Variants in STK3 observed in about 807,000 individuals in gnomAD.
The protein encoded by STK3 is serine/threonine kinase 3, also known as serine/threonine-protein kinase 3.
Under a neutral mutation model 58.0 loss-of-function variants are expected in STK3, and 41 were observed. The observed-to-expected ratio is 0.71, with a 90% CI of 0.55 to 0.92. The LOEUF (loss-of-function observed/expected upper bound fraction) is 0.92, where lower values mean the gene tolerates loss of function less well. STK3 is among the 40% of genes least tolerant of loss of function. The pLI is 0.00. For missense variants in STK3, 479 were observed against 602.7 expected, an observed-to-expected ratio of 0.79 and a Z score of 2.15; for synonymous variants, 170 against 191.0, an observed-to-expected ratio of 0.89 and a Z score of 0.91.
chr8:98,648,756 G>A (rs1820615308), intron 6 of STK3, among the ~76,000 whole-genome samples: 2 of 152,084 alleles, frequency 1.3e-5, no homozygotes, highest in African/African-American at 2.4e-5. Context: ...GCCGGCTGTG[G>A]TGGCACCCAC....
At chr8:98,359,016 G>A in the STK3 span, among the ~76,000 whole-genome samples, 1 of 152,124 alleles carries the variant, frequency 6.6e-6, no homozygotes, top group African/African-American at 2.4e-5. Flanking sequence ...TGACTTTTCC[G>A]AAGAAAGAGC....
chr8:98,717,691 G>A (rs1283889496), intron 4 of STK3, among the ~76,000 whole-genome samples: 3 of 152,122 alleles, frequency 2.0e-5, no homozygotes, highest in African/African-American at 7.2e-5. Flanking sequence ...AGAATTAAAT[G>A]CAGGGTCTCA....
At chr8:98,402,708 G>A (rs1817955713) in intron 3 of STK3, among the ~76,000 whole-genome samples, 1 of 152,218 alleles carries the variant, frequency 6.6e-6, no homozygotes. Flanking sequence ...AGCCAGGCGA[G>A]GAGGACATGC....
intron 4 of STK3, among the ~76,000 whole-genome samples, chr8:98,739,351 G>A (rs1209915164): frequency 1.3e-5 from 2 of 152,034 alleles, no homozygotes; most frequent in Non-Finnish European, 2.9e-5. Flanking sequence ...CCCCAAGTAG[G>A]GGCAGACTGA....
intron 6 of STK3, among the ~76,000 whole-genome samples, chr8:98,601,945 A>G (rs1037038585): frequency 6.6e-6 from 1 of 152,238 alleles, no homozygotes; most frequent in Admixed American, 6.5e-5. Context: ...AGTATCAGCC[A>G]TAAAAGAGTC....
chr8:98,711,947 T>C (rs1043784546), intron 4 of STK3, among the ~76,000 whole-genome samples: 4 of 152,068 alleles, frequency 2.6e-5, no homozygotes, highest in African/African-American at 9.7e-5. Flanking sequence ...CGGCAGAAAC[T>C]CTACAAGCCA....
chr8:98,353,736 C>G, the STK3 span, among the ~76,000 whole-genome samples: 10 of 152,098 alleles, frequency 6.6e-5, no homozygotes, highest in Non-Finnish European at 1.3e-4. Context: ...TAGGATATCA[C>G]CAACTTGCAG....
chr8:98,694,092 A>G (rs1277852675), intron 6 of STK3, among the ~76,000 whole-genome samples: 1 of 152,114 alleles, frequency 6.6e-6, no homozygotes, highest in Non-Finnish European at 1.5e-5. Flanking sequence ...CTTCTAACCC[A>G]TGTCTGTTTT....
chr8:98,377,891 C>T (rs532613048), intron 2 of STK3, among the ~76,000 whole-genome samples: 1 of 152,224 alleles, frequency 6.6e-6, no homozygotes, highest in East Asian at 1.9e-4. Flanking sequence ...GTTTCTTTAG[C>T]AGCTAGTAAG....
Position 98,707,264 on chromosome 8 carries a change from T to C in STK3, c.399A>G (p.Gly133=), listed in dbSNP as rs759622165. The change falls in exon 5 of 11, where the codon GGA becomes GGG. Residue 133 remains glycine, a synonymous_variant. Coordinates refer to ENST00000419617, the MANE Select transcript of STK3 (RefSeq NM_006281.4). ...TTCTCATAAAGTGCAAATATTCTAGTCCTTTCAATGTAGATTTAAGAATGG... is the reference window on the plus strand; with the variant it reads ...TTCTCATAAAGTGCAAATATTCTAGCCCTTTCAATGTAGATTTAAGAATGG... The part of the protein sequence containing the change: ...IATILKSTLK[G]LEYLHFMRKI... 1 of 1,586,724 alleles carries C rather than the reference T, an allele frequency of 6.3e-7. No homozygotes were observed. Among genetic ancestry groups the C allele is most frequent in the Admixed American group, 1.8e-5 (1 of 55,350 alleles).
At chr8:98,735,941 G>A (rs1828548765) in intron 4 of STK3, among the ~76,000 whole-genome samples, 1 of 151,988 alleles carries the variant, frequency 6.6e-6, no homozygotes, top group Non-Finnish European at 1.5e-5. Flanking sequence ...TTTGTTTTAT[G>A]ACTTTTAAAA....
chr8:98,381,567 G>C (rs773426547), intron 1 of STK3, among the ~76,000 whole-genome samples: 7 of 152,206 alleles, frequency 4.6e-5, no homozygotes, highest in Non-Finnish European at 1.0e-4. Context: ...GAAAAAGCCT[G>C]GTGGGAAACC....
intron 6 of STK3, among the ~76,000 whole-genome samples, chr8:98,664,337 G>T (rs894237839): frequency 3.3e-5 from 5 of 152,106 alleles, no homozygotes; most frequent in African/African-American, 1.2e-4. Context: ...ATGCTACCCC[G>T]GTCTGGGTCT....
chr8:98,842,213 A>T (rs1202475189), intron 3 of STK3, among the ~76,000 whole-genome samples: 2 of 152,234 alleles, frequency 1.3e-5, no homozygotes, highest in Non-Finnish European at 2.9e-5. Context: ...TTGAATTAAT[A>T]TATAAATTTA....
chr8:98,843,731 T>A (rs531782765), intron 3 of STK3, among the ~76,000 whole-genome samples: 38 of 152,326 alleles, frequency 2.5e-4, no homozygotes, highest in African/African-American at 8.9e-4. Flanking sequence ...GAAAGAGGGA[T>A]GGAAGCCGTG....
chr8:98,577,137 G>A (rs1813474662), intron 8 of STK3, among the ~76,000 whole-genome samples: 1 of 152,120 alleles, frequency 6.6e-6, no homozygotes, highest in South Asian at 2.1e-4. Flanking sequence ...GTTTAACATA[G>A]TTGCTTCTGT....
intron 10 of STK3, among the ~76,000 whole-genome samples, chr8:98,510,643 A>G (rs1824442370): frequency 6.6e-6 from 1 of 152,068 alleles, no homozygotes; most frequent in Non-Finnish European, 1.5e-5. Flanking sequence ...CTGAAGGTAA[A>G]TACATCAATT....
chr8:98,770,379 C>T (rs1447413274), intron 2 of STK3, among the ~76,000 whole-genome samples: 1 of 152,144 alleles, frequency 6.6e-6, no homozygotes, highest in African/African-American at 2.4e-5. Context: ...TTTATCAGAA[C>T]CCTAAAGAAT....
At chr8:98,452,072 A>C (rs1414776542), downstream of STK3, among the ~76,000 whole-genome samples, 2 of 152,200 alleles carry the variant, frequency 1.3e-5, no homozygotes, top group Non-Finnish European at 2.9e-5. Context: ...TTAATCTTTA[A>C]CATACAGGAT....
Sources: allele counts gnomAD v4.1 joint callset (sites outside exome capture counted in the v4.1 genomes callset), GRCh38; gene constraint gnomAD v4.1.1; transcripts MANE v1.5; gene names NCBI Gene and HGNC (gene_info 2026-07-23, HGNC 2026-07-21).